The following INCA1 variants were observed in gnomAD, a reference collection of about 807,000 sequenced individuals.
The protein encoded by INCA1 is protein INCA1.
In INCA1, 28 loss-of-function variants were observed where a neutral mutation model predicts 25.7. That is an observed-to-expected ratio of 1.09 (90% CI 0.81 to 1.49). The LOEUF (loss-of-function observed/expected upper bound fraction) is 1.49. Among genes scored for constraint, INCA1 ranks in the 40% most tolerant of loss-of-function variants. The probability of loss-of-function intolerance (pLI) is 0.00; values close to 1 mark genes in which losing one functional copy is unlikely to be tolerated. For missense variants in INCA1, 309 were observed against 290.9 expected (o/e 1.06, Z -0.45); for synonymous variants, 111 against 103.6 (o/e 1.07, Z -0.43).
chr17:4,992,679 T>C (rs1447995564), intron 2 of INCA1, among the ~76,000 whole-genome samples: 2 of 146,216 alleles, frequency 1.4e-5, no homozygotes, highest in Admixed American at 1.4e-4. Flanking sequence ...TCTTCCATTC[T>C]CTTTCTTTCT....
intron 2 of INCA1, among the ~76,000 whole-genome samples, chr17:4,992,296 CT>C (rs1010955887): frequency 6.6e-6 from 1 of 151,818 alleles, no homozygotes; most frequent in Admixed American, 6.6e-5. Context: ...TTTTCTTCTT[CT>C]TTTTTGAGAC....
At chr17:4,990,463 T>A (rs1973796543) in intron 2 of INCA1, among the ~76,000 whole-genome samples, 198 bp from the exon 3 acceptor site, 1 of 152,066 alleles carries the variant, frequency 6.6e-6, no homozygotes, top group South Asian at 2.1e-4. Context: ...GGGTTGAGGG[T>A]GGAGATTGGC....
chr17:4,991,961 C>T (rs1052089496), intron 2 of INCA1, among the ~76,000 whole-genome samples: 3 of 152,086 alleles, frequency 2.0e-5, no homozygotes, highest in African/African-American at 7.2e-5. Context: ...GGTCTCTTCC[C>T]CCCGTCTCTG....
intron 1 of INCA1, among the ~76,000 whole-genome samples, chr17:4,996,096 C>T (rs1974231591): frequency 6.6e-6 from 1 of 150,578 alleles, no homozygotes; most frequent in Non-Finnish European, 1.5e-5. Flanking sequence ...GGAGAAAGGG[C>T]AGTTAAGGCT....
rs1019946962 is a variant in INCA1 at position 4,988,321 on chromosome 17, G to A, written c.*84C>T. 3 of 1,433,212 alleles carry A rather than the reference G, an allele frequency of 2.1e-6. No homozygotes were observed. In the African/African-American group the frequency reaches 4.3e-5, roughly 21 times the overall value. The allele number at this position is 1,433,212 out of a possible 1,614,324, so 88.8% of individuals were successfully genotyped here. A position where few individuals can be genotyped will look rare whatever the true frequency, so the allele number is the denominator to read the frequency against. On this transcript the variant is annotated 3_prime_UTR_variant, in exon 7 of 7. Coordinates refer to ENST00000576820, the Ensembl canonical transcript of INCA1. ...ACGAAGGAAGGGGAAACGCCTTCAT[G>A]TCAGCAATGAGGGTGACTCTAGTGA... is the stretch of plus-strand genomic sequence containing the variant.
At chr17:4,996,323 G>A (rs1449560414) in intron 1 of INCA1, among the ~76,000 whole-genome samples, 2 of 151,770 alleles carry the variant, frequency 1.3e-5, no homozygotes, top group African/African-American at 2.4e-5. Context: ...GCTGCAGTGA[G>A]GTAAGATCGC....
At chr17:4,997,148 G>C (rs1444257916), upstream of INCA1, 1 of 152,746 alleles carries the variant, frequency 6.5e-6, no homozygotes, top group Non-Finnish European at 1.5e-5. Flanking sequence ...AGCCCCGCTG[G>C]AGGGAAGCGC....
At chr17:4,988,461 T>G (rs764597577) in exon 7 of INCA1, 2 of 1,613,684 alleles carry the variant, frequency 1.2e-6, no homozygotes, top group Admixed American at 1.7e-5. Context: ...GGGTTCCTTC[T>G]GGCTGTGACA....
rs1178100781 is a variant in INCA1, at chr17:4,994,326, G to C, written c.44+68C>G. On this transcript the variant is annotated intron_variant, in intron 2 of 6. Coordinates refer to ENST00000576820, the Ensembl canonical transcript of INCA1. ...TTCTTTATTTCCTAATCCTCTTAGG[G>C]AAGGACCCAGGCATGCAATATCCCC... The C allele has an allele frequency of 4.2e-6, 6 of 1,437,210 alleles. No individual in the cohort carries two copies. In the East Asian group the frequency reaches 1.4e-4, roughly 33 times the overall value. The allele number at this position is 1,437,210 out of a possible 1,614,324, so 89.0% of individuals were successfully genotyped here. A position where few individuals can be genotyped will look rare whatever the true frequency, so the allele number is the denominator to read the frequency against.
intron 1 of INCA1, among the ~76,000 whole-genome samples, chr17:4,995,534 C>A (rs1489617996): frequency 6.6e-6 from 1 of 152,098 alleles, no homozygotes; most frequent in African/African-American, 2.4e-5. Flanking sequence ...GTGGCTCACA[C>A]CTGTAATCCC....
exon 7 of INCA1, chr17:4,988,250 G>A (rs1477237616): frequency 1.9e-5 from 14 of 750,660 alleles, no homozygotes; most frequent in African/African-American, 3.6e-5. Flanking sequence ...GAGCCCACGG[G>A]GGCTGTTAAT....
chr17:4,988,416 A>G (rs1597796291), exon 7 of INCA1: 2 of 1,602,598 alleles, frequency 1.2e-6, no homozygotes, highest in Non-Finnish European at 8.5e-7. Flanking sequence ...TACTCTTCAG[A>G]CGCTGCCAAC....
chr17:4,989,869 A>ACGGCAGAGGG, intron 4 of INCA1, 21 bp downstream of exon 4: 1 of 1,614,188 alleles, frequency 6.2e-7, no homozygotes, highest in East Asian at 2.2e-5. Context: ...GAAATGTTAA[A>ACGGCAGAGGG]CGGCAGAGGG....
upstream of INCA1, chr17:4,997,398 G>A (rs1974369986): frequency 6.6e-6 from 1 of 152,290 alleles, no homozygotes; most frequent in African/African-American, 2.4e-5. Context: ...GGGTTGTTTG[G>A]GCCTCAGGCG....
chr17:4,996,754 G>T (rs1390139133), intron 1 of INCA1: 1 of 152,132 alleles, frequency 6.6e-6, no homozygotes, highest in East Asian at 1.9e-4. Context: ...CAGCCAGCTG[G>T]AACTGTAGAG....
intron 2 of INCA1, among the ~76,000 whole-genome samples, chr17:4,992,733 A>G (rs1973959013): frequency 7.8e-6 from 1 of 128,866 alleles, no homozygotes; most frequent in South Asian, 2.4e-4. Flanking sequence ...TTTTAGAGAC[A>G]GGGACTTGCT....
At chr17:4,990,292 G>T in intron 2 of INCA1, 27 bp from the exon 3 acceptor site, 1 of 1,598,672 alleles carries the variant, frequency 6.3e-7, no homozygotes, top group Non-Finnish European at 8.5e-7. Flanking sequence ...GTAGGCTCGG[G>T]TCTGGCTCTT....
intron 1 of INCA1, 57 bp from the exon 2 acceptor site, chr17:4,994,532 C>T: frequency 7.2e-7 from 1 of 1,381,970 alleles, no homozygotes; most frequent in Non-Finnish European, 1.0e-6. Flanking sequence ...TGGCTCACGC[C>T]TGTAATCCCA....
At chr17:4,995,330 G>GTGCA (rs1290292798) in intron 1 of INCA1, among the ~76,000 whole-genome samples, 2 of 152,214 alleles carry the variant, frequency 1.3e-5, no homozygotes, top group African/African-American at 4.8e-5. Context: ...GAAGCTAAAT[G>GTGCA]TGCAGAATAA....
Sources: allele counts gnomAD v4.1 joint callset (sites outside exome capture counted in the v4.1 genomes callset), GRCh38; gene constraint gnomAD v4.1.1; transcripts MANE v1.5; gene names NCBI Gene and HGNC (gene_info 2026-07-23, HGNC 2026-07-21).